The following GON4L variants were observed in gnomAD, a reference collection of about 807,000 sequenced individuals.
GON4L encodes gon-4 like.
A neutral mutation model predicts 211.8 loss-of-function variants in GON4L; 87 were observed. The observed-to-expected ratio is 0.41, with a 90% CI of 0.35 to 0.49. GON4L has a LOEUF of 0.49. Ranked by LOEUF, GON4L falls within the 20% of genes least tolerant of loss-of-function variation. GON4L has a pLI of 0.15. For missense variants in GON4L, 2,155 were observed against 2,659.5 expected (o/e 0.81, Z 4.17); for synonymous variants, 875 against 962.6 (o/e 0.91, Z 1.68).
rs1182931215 is a variant in GON4L, at chr1:155,763,220, A to G, written c.4726+92T>C. On this transcript the variant is annotated intron_variant, in intron 22 of 31. Coordinates refer to ENST00000368331, the MANE Select transcript of GON4L (RefSeq NM_001282860.2). ...AGAGGGTTTCCTCTGGAAATCCTCC[A>G]CCTGGTTTATAAGCTACCCACCCTG... The G allele has an allele frequency of 5.2e-5, 63 of 1,223,162 alleles. 2 individuals carry two copies. The East Asian group carries it at 1.5e-3, about 28-fold the overall frequency. The allele number at this position is 1,223,162 out of a possible 1,614,324, so 75.8% of individuals were successfully genotyped here. A position where few individuals can be genotyped will look rare whatever the true frequency, so the allele number is the denominator to read the frequency against.
Position 155,765,249 on chromosome 1 carries a change from T to G in GON4L, c.4224A>C (p.Lys1408Asn). The G allele has an allele frequency of 6.2e-7, 1 of 1,614,184 alleles. No individual in the cohort carries two copies. Among genetic ancestry groups the G allele is most frequent in the South Asian group, 1.1e-5 (1 of 91,080 alleles). ...AGGACAAAGCATTCTTTGATGATCCTTTGTTCACATCTGTCCCTGAGGTTC... is the reference window on the plus strand; with the variant it reads ...AGGACAAAGCATTCTTTGATGATCCGTTGTTCACATCTGTCCCTGAGGTTC... The part of the protein sequence containing the change: ...DEGTSGTDVN[K>N]GSSKNALSSM... The change falls in exon 21 of 32, where the codon AAA (lysine) becomes AAC (asparagine). Residue 1408 changes from lysine to asparagine, a missense_variant. Lys to Asn is a moderately conservative substitution (Grantham distance 94). Coordinates refer to ENST00000368331, the MANE Select transcript of GON4L (RefSeq NM_001282860.2).
chr1:155,777,479 T>A, intron 15 of GON4L, 143 bp downstream of exon 15: 1 of 717,268 alleles, frequency 1.4e-6, no homozygotes, highest in Non-Finnish European at 2.5e-6. Context: ...CTTGGGAGGC[T>A]GAGGCAGGAG....
At position 155,753,394 on chromosome 1, in the gene GON4L, G is replaced by A; in HGVS notation, c.5652C>T (p.Tyr1884=). 6.2e-7 allele frequency: 1 copy of A among 1,613,498 alleles called. No homozygotes were observed. Among genetic ancestry groups the A allele is most frequent in the Non-Finnish European group, 8.5e-7 (1 of 1,179,652 alleles). Residue 1884 remains tyrosine, a synonymous_variant, in exon 29 of 32, where the codon TAC becomes TAT. Transcript: ENST00000368331. Reference sequence around the variant, plus strand: ...CCAACTCATGGGGCTCCTTGCTCTTGTAGGATTTGCTGTCACAGACCTGCA... The same window carrying A: ...CCAACTCATGGGGCTCCTTGCTCTTATAGGATTTGCTGTCACAGACCTGCA... The part of the protein sequence containing the change: ...CSSKVCDSKS[Y]KSKEPHELVG...
At chr1:155,777,592 C>A in intron 15 of GON4L, 30 bp downstream of exon 15, 1 of 1,561,294 alleles carries the variant, frequency 6.4e-7, no homozygotes, top group Non-Finnish European at 8.8e-7. Flanking sequence ...AAAAAAAATC[C>A]AATGTTAACA....
chr1:155,771,481 A>C (rs1415849231), intron 18 of GON4L, among the ~76,000 whole-genome samples: 1 of 150,468 alleles, frequency 6.6e-6, no homozygotes, highest in Non-Finnish European at 1.5e-5. Flanking sequence ...CTACCTTTTC[A>C]TTTTTTTTCA....
At position 155,832,298 on chromosome 1, in the gene GON4L, A is replaced by G. The variant is rs1373783040; in HGVS notation, c.506-5270T>C. On this transcript the variant is annotated intron_variant, in intron 2 of 31. Transcript: ENST00000368331. ...CCGTCTCAAAAAAAAAAAAAAAAAAAAAAAGAAAGAAAAAAAAAGAAAAAA... is the reference window on the plus strand; with the variant it reads ...CCGTCTCAAAAAAAAAAAAAAAAAAGAAAAGAAAGAAAAAAAAAGAAAAAA... Among the ~76,000 whole-genome samples the G allele has an allele frequency of 6.0e-5, 9 of 150,606 alleles. No homozygotes were observed. The South Asian group carries it at 1.0e-3, about 18-fold the overall frequency.
At position 155,841,313 on chromosome 1, in the gene GON4L, G is replaced by A. The variant is rs59761511; in HGVS notation, c.505+11963C>T. On this transcript the variant is annotated intron_variant, in intron 2 of 31. Coordinates refer to ENST00000368331, the MANE Select transcript of GON4L (RefSeq NM_001282860.2). Reference sequence around the variant, plus strand: ...GGCCCAAGGACTACTGAAGAGGTGGGCATGAGAGATTATAGGGGCTGGGTT... The same window carrying A: ...GGCCCAAGGACTACTGAAGAGGTGGACATGAGAGATTATAGGGGCTGGGTT... Among the ~76,000 whole-genome samples the A allele has an allele frequency of 3.4e-3, 518 of 152,212 alleles. 15 individuals are homozygous for A. The East Asian group carries it at 0.069, about 20-fold the overall frequency.
chr1:155,747,934 T>C (rs770959389), downstream of GON4L: 78 of 1,561,428 alleles, frequency 5.0e-5, no homozygotes, highest in Middle Eastern at 1.7e-4. Flanking sequence ...TCGAATCCCA[T>C]TGGGAGAGTG....
chr1:155,799,863 C>T (rs189451868), intron 11 of GON4L, among the ~76,000 whole-genome samples: 2 of 152,326 alleles, frequency 1.3e-5, no homozygotes, highest in Admixed American at 1.3e-4. Context: ...GACTTTCTTA[C>T]TGTAATTATT....
At chr1:155,812,260 A>G (rs965814251) in intron 10 of GON4L, among the ~76,000 whole-genome samples, 28 of 152,262 alleles carry the variant, frequency 1.8e-4, no homozygotes, top group Non-Finnish European at 7.4e-5. Context: ...ATTTGTAACA[A>G]AAGTGCAAAA....
rs201781136 is a variant in GON4L, at chr1:155,800,555, CA to C, written c.1645+4393del. Among the ~76,000 whole-genome samples, 196 of 139,816 alleles carry C rather than the reference CA, an allele frequency of 1.4e-3. 1 individual carries two copies. The highest frequency in any genetic ancestry group is 5.0e-3 in the African/African-American group (184 of 37,032). The allele number at this position is 139,816 out of a possible 152,430, so 91.7% of individuals were successfully genotyped here. A position where few individuals can be genotyped will look rare whatever the true frequency, so the allele number is the denominator to read the frequency against. Reference sequence around the variant, plus strand: ...CTGGGGGACAAGAGTGAAACTCTCTCAAAAAAAAATGGTTTAGGCCAGGTGC... The same window carrying C: ...CTGGGGGACAAGAGTGAAACTCTCTCAAAAAAAATGGTTTAGGCCAGGTGC... On this transcript the variant is annotated intron_variant, in intron 11 of 31. Coordinates refer to ENST00000368331, the MANE Select transcript of GON4L (RefSeq NM_001282860.2).
intron 6 of GON4L, among the ~76,000 whole-genome samples, chr1:155,820,021 C>T (rs1668597281): frequency 6.6e-6 from 1 of 152,150 alleles, no homozygotes; most frequent in South Asian, 2.1e-4. Flanking sequence ...TCAAGTGATT[C>T]TTGTGCCTCA....
intron 6 of GON4L, among the ~76,000 whole-genome samples, chr1:155,818,234 G>A (rs995820000): frequency 5.3e-5 from 8 of 151,510 alleles, no homozygotes; most frequent in African/African-American, 1.7e-4. Context: ...CGATCCTCTC[G>A]TCTCTGTAGC....
chr1:155,752,746 A>G (rs1225845639), intron 29 of GON4L, among the ~76,000 whole-genome samples, 156 bp from the exon 30 acceptor site: 1 of 152,194 alleles, frequency 6.6e-6, no homozygotes, highest in East Asian at 1.9e-4. Flanking sequence ...TTGGGAAGCC[A>G]AAGTGGTGGG....
chr1:155,828,373 C>T (rs1669415361), intron 2 of GON4L, among the ~76,000 whole-genome samples: 1 of 151,550 alleles, frequency 6.6e-6, no homozygotes, highest in African/African-American at 2.4e-5. Context: ...CACCTGTAAT[C>T]CCAGTTACTT....
chr1:155,809,386 C>T (rs1407288744), intron 10 of GON4L, among the ~76,000 whole-genome samples: 1 of 151,878 alleles, frequency 6.6e-6, no homozygotes, highest in East Asian at 1.9e-4. Flanking sequence ...TGTTTCTCAA[C>T]TTCAACCATT....
intron 2 of GON4L, among the ~76,000 whole-genome samples, chr1:155,836,794 T>G (rs2102387182): frequency 6.6e-6 from 1 of 152,358 alleles, no homozygotes; most frequent in Non-Finnish European, 1.5e-5. Flanking sequence ...TTTCTGCTCT[T>G]AGTGCCTAAA....
chr1:155,791,223 T>C (rs372792933), intron 12 of GON4L, among the ~76,000 whole-genome samples: 5 of 151,990 alleles, frequency 3.3e-5, no homozygotes, highest in Admixed American at 6.6e-5. Context: ...GATCACACCA[T>C]TGCACTCTAG....
intron 2 of GON4L, among the ~76,000 whole-genome samples, chr1:155,837,427 GT>G (rs1446971609): frequency 2.0e-5 from 3 of 152,160 alleles, no homozygotes; most frequent in Non-Finnish European, 2.9e-5. Flanking sequence ...ACGGGAGCCT[GT>G]TTTTCCTAGC....
Sources: allele counts gnomAD v4.1 joint callset (sites outside exome capture counted in the v4.1 genomes callset), GRCh38; gene constraint gnomAD v4.1.1; transcripts MANE v1.5; gene names NCBI Gene and HGNC (gene_info 2026-07-23, HGNC 2026-07-21).